The following DCHS1 variants were observed in gnomAD, a reference collection of about 807,000 sequenced individuals.
DCHS1 encodes the protein dachsous cadherin-related 1.
In DCHS1, 78 loss-of-function variants were observed where a neutral mutation model predicts 213.9. That is an observed-to-expected ratio of 0.36 (90% CI 0.30 to 0.44). The LOEUF is 0.44. Ranked by LOEUF, DCHS1 falls within the 20% of genes least tolerant of loss-of-function variation. The probability of loss-of-function intolerance (pLI) is 1.00; values close to 1 mark genes in which losing one functional copy is unlikely to be tolerated. For missense variants in DCHS1, 3,946 were observed against 4,395.9 expected (o/e 0.90, Z 2.89); for synonymous variants, 1,828 against 1,873.7 (o/e 0.98, Z 0.63).
At position 6,630,198 on chromosome 11, in the gene DCHS1, C is replaced by A; in HGVS notation, c.4596G>T (p.Ala1532=). 6.3e-7 allele frequency: 1 copy of A among 1,580,174 alleles called. No homozygotes were observed. The highest frequency in any genetic ancestry group is 2.3e-5 in the East Asian group (1 of 42,696). Residue 1532 remains alanine, a synonymous_variant, in exon 10 of 21, where the codon GCG becomes GCT. Coordinates refer to ENST00000299441, the MANE Select transcript of DCHS1 (RefSeq NM_003737.4). The stretch of plus-strand genomic sequence containing the variant: ...CATTCTCATCCGTGACGAAGACGCG[C>A]GCTGAAACGCGCGCTGCACGACGGC... ...ASRRRAARVS[A]RVFVTDENDN... is the part of the protein sequence containing the mutation.
At chr11:6,650,490 T>C (rs554954507) in intron 1 of DCHS1, among the ~76,000 whole-genome samples, 8 of 152,276 alleles carry the variant, frequency 5.3e-5, no homozygotes, top group Admixed American at 1.3e-4. Context: ...TCCTAGCAGA[T>C]ACCAGGGCAT....
chr11:6,625,591 C>A lies in DCHS1; in HGVS notation c.6862+6G>T. 1.2e-6 allele frequency: 2 copies of A among 1,613,680 alleles called. No homozygotes were observed. The highest frequency in any genetic ancestry group is 8.5e-7 in the Non-Finnish European group (1 of 1,179,856). The stretch of plus-strand genomic sequence containing the variant: ...CCTTTATGCCACCCACTTTACCCAG[C>A]CTCACCTTCTGACACTCGGAGCTCC... On this transcript the variant is annotated splice_donor_region_variant and intron_variant, in intron 18 of 20. Coordinates refer to ENST00000299441, the MANE Select transcript of DCHS1 (RefSeq NM_003737.4). The surrounding 1 kb of genome is among the most constrained non-coding windows in gnomAD (Gnocchi z 5.3).
At position 6,633,832 on chromosome 11, in the gene DCHS1, C is replaced by A. The variant is rs746635930; in HGVS notation, c.2175G>T (p.Leu725=). 4 of 1,613,924 alleles carry A rather than the reference C, an allele frequency of 2.5e-6. No homozygotes were observed. The South Asian group carries it at 3.3e-5, about 13-fold the overall frequency. ...GSHGRLSYHI[L]AGNSPPLFTL... ...TAAAAAGTGGGGGGCTGTTGCCAGC[C>A]AGGATATGGTAGGAGAGTCGCCCAT... Residue 725 remains leucine (L), a synonymous_variant, in exon 4 of 21, where the codon CTG becomes CTT. Transcript: ENST00000299441.
Position 6,631,158 on chromosome 11 carries a change from A to T in DCHS1, c.3825T>A (p.Thr1275=). Residue 1275 remains threonine, a synonymous_variant, in exon 9 of 21, where the codon ACT becomes ACA. Coordinates refer to ENST00000299441, the MANE Select transcript of DCHS1 (RefSeq NM_003737.4). ...SLHPHSGELL[T]AAPLIRAERP... is the part of the protein sequence containing the mutation. ...GCTCTGCTCGGATCAGGGGAGCTGCAGTGAGCAGCTCCCCTGAGTGAGGGT... is the reference window on the plus strand; with the variant it reads ...GCTCTGCTCGGATCAGGGGAGCTGCTGTGAGCAGCTCCCCTGAGTGAGGGT... 6.2e-7 allele frequency: 1 copy of T among 1,612,232 alleles called. No individual in the cohort carries two copies.
At chr11:6,635,227 T>C (rs928702137) in intron 2 of DCHS1, 8 of 152,234 alleles carry the variant, frequency 5.3e-5, no homozygotes, top group Admixed American at 4.6e-4. Context: ...TATAGATTTA[T>C]GGGTGTGTGG....
In DCHS1 at chr11:6,633,514, G is replaced by A; in HGVS notation, c.2353C>T (p.Pro785Ser). 6.3e-7 allele frequency: 1 copy of A among 1,584,596 alleles called. No homozygotes were observed. The highest frequency in any genetic ancestry group is 1.8e-5 in the Admixed American group (1 of 55,516). Residue 785 changes from proline to serine, a missense_variant, in exon 5 of 21, where the codon CCC (proline) becomes TCC (serine). This residue lies in a region of DCHS1 where 3,384 missense variants were observed against 3,780.1 expected (regional missense o/e 0.90). Coordinates refer to ENST00000299441, the MANE Select transcript of DCHS1 (RefSeq NM_003737.4). ...RVDISIVPGT[P>S]TPPIFEQLQY... ...AGTTGCTCAAATATGGGTGGTGTGG[G>A]GGTTCCAGGCACAATGCTGATGTCC...
At position 6,622,105 on chromosome 11, in the gene DCHS1, G is replaced by C. The variant is rs752605462; in HGVS notation, c.9571C>G (p.Arg3191Gly). The change falls in exon 21 of 21, where the codon CGG becomes GGG. Residue 3191 changes from arginine to glycine, a missense_variant. Arg to Gly is a moderately radical substitution (Grantham distance 125, BLOSUM62 -2). This residue lies in a region of DCHS1 where 554 missense variants were observed against 590.2 expected (regional missense o/e 0.94). Coordinates refer to ENST00000299441, the MANE Select transcript of DCHS1 (RefSeq NM_003737.4). This position sits in a 1 kb window ranked among gnomAD's most constrained non-coding sequence, Gnocchi z 5.4. ...TEIARLKDEA[R>G]PCPPAPRIDP... ...ATACGGGGAGCTGGGGGACATGGCC[G>C]AGCTTCATCCTTGAGCCGAGCGATC... The C allele has an allele frequency of 1.2e-6, 2 of 1,613,078 alleles. No individual in the cohort carries two copies. Among genetic ancestry groups the C allele is most frequent in the Non-Finnish European group, 1.7e-6 (2 of 1,179,840 alleles).
intron 1 of DCHS1, among the ~76,000 whole-genome samples, chr11:6,649,937 A>C (rs904759347): frequency 6.6e-6 from 1 of 152,188 alleles, no homozygotes; most frequent in Admixed American, 6.5e-5. Context: ...AGTAAAATTA[A>C]CTAAGTTAAT....
At chr11:6,645,294 G>A (rs1256782909) in intron 1 of DCHS1, among the ~76,000 whole-genome samples, 1 of 152,204 alleles carries the variant, frequency 6.6e-6, no homozygotes, top group Non-Finnish European at 1.5e-5. Context: ...ATCTGAAGAA[G>A]GGAGAGGATG....
chr11:6,624,072 G>A lies in DCHS1; in HGVS notation c.7604C>T (p.Pro2535Leu), dbSNP rs777961109. The A allele has an allele frequency of 6.2e-7, 1 of 1,612,956 alleles. No homozygotes were observed. The highest frequency in any genetic ancestry group is 8.5e-7 in the Non-Finnish European group (1 of 1,179,582). The change falls in exon 21 of 21, where the codon CCC becomes CTC. Residue 2535 changes from proline to leucine, a missense_variant. Pro to Leu is a moderately conservative substitution (Grantham distance 98). Transcript: ENST00000299441. ...GNWGRVFQLE[P>L]RLAEAGESAG... Reference sequence around the variant, plus strand: ...ACTCTCCCCAGCCTCAGCCAGCCTGGGTTCCAGCTGGAAGACTCGGCCCCA... The same window carrying A: ...ACTCTCCCCAGCCTCAGCCAGCCTGAGTTCCAGCTGGAAGACTCGGCCCCA...
In DCHS1 at chr11:6,634,109, C is replaced by T. The variant is rs1247948746; in HGVS notation, c.1986+9G>A. 2.5e-6 allele frequency: 4 copies of T among 1,598,840 alleles called. No individual in the cohort carries two copies. The highest frequency in any genetic ancestry group is 3.4e-5 in the Admixed American group (2 of 59,186). ...AACATCCCAACCTGCCCTTGGTCTA[C>T]TGACTTACCCCATCCACAGCTGTCA... On this transcript the variant is annotated intron_variant, in intron 3 of 20. Coordinates refer to ENST00000299441, the MANE Select transcript of DCHS1 (RefSeq NM_003737.4).
chr11:6,632,162 T>C lies in DCHS1; in HGVS notation c.3350A>G (p.Asn1117Ser). The stretch of plus-strand genomic sequence containing the variant: ...GCCCACGCTGGTCCCTGGGGGCTGG[T>C]TCTCAGCCACAGCCAGGAAGGTGGG... ...EDPTFLAVAE[N>S]QPPGTSVGRV... Residue 1117 changes from asparagine to serine, a missense_variant, in exon 6 of 21, where the codon AAC becomes AGC. Transcript: ENST00000299441. This position sits in a 1 kb window ranked among gnomAD's most constrained non-coding sequence, Gnocchi z 5.9. 2 of 1,595,716 alleles carry C rather than the reference T, an allele frequency of 1.3e-6. No individual in the cohort carries two copies. The highest frequency in any genetic ancestry group is 1.7e-6 in the Non-Finnish European group (2 of 1,167,668).
intron 19 of DCHS1, 96 bp from the exon 20 acceptor site, chr11:6,624,964 G>A: frequency 6.5e-7 from 1 of 1,542,388 alleles, no homozygotes; most frequent in Non-Finnish European, 8.8e-7. Context: ...GCCCTGCTTG[G>A]CGTCTATTCC....
Position 6,627,699 on chromosome 11 carries a change from C to T in DCHS1, c.5372-32G>A, listed in dbSNP as rs1855834620. The T allele has an allele frequency of 6.3e-7, 1 of 1,592,052 alleles. No homozygotes were observed. Among genetic ancestry groups the T allele is most frequent in the South Asian group, 1.1e-5 (1 of 89,470 alleles). On this transcript the variant is annotated intron_variant, in intron 13 of 20. Coordinates refer to ENST00000299441, the MANE Select transcript of DCHS1 (RefSeq NM_003737.4). The surrounding 1 kb of genome is among the most constrained non-coding windows in gnomAD (Gnocchi z 5.4). ...AGAAGGGCATGCACATATAAATATACATGTGTCGTGGGGATGGGGGTGATT... is the reference window on the plus strand; with the variant it reads ...AGAAGGGCATGCACATATAAATATATATGTGTCGTGGGGATGGGGGTGATT...
chr11:6,638,504 C>T (rs1204394416), intron 2 of DCHS1, among the ~76,000 whole-genome samples: 4 of 152,186 alleles, frequency 2.6e-5, no homozygotes, highest in East Asian at 1.9e-4. Context: ...CTCCTGAACA[C>T]GTCCTGGTAT....
At position 6,630,655 on chromosome 11, in the gene DCHS1, G is replaced by A. The variant is rs1234598289; in HGVS notation, c.4139C>T (p.Ala1380Val). ...VGGADPEGTF[A>V]LDAASGRLYL... ...CAAGCGCCCTGAGGCCGCATCCAGC[G>A]CGAAGGTGCCCTCGGGATCGGCACC... The change falls in exon 10 of 21, where the codon GCG becomes GTG. Residue 1380 changes from alanine (A) to valine (V), a missense_variant. Ala to Val is a moderately conservative substitution (Grantham distance 64). Coordinates refer to ENST00000299441, the MANE Select transcript of DCHS1 (RefSeq NM_003737.4). 1.3e-6 allele frequency: 2 copies of A among 1,537,160 alleles called. No individual in the cohort carries two copies. Among genetic ancestry groups the A allele is most frequent in the Non-Finnish European group, 1.7e-6 (2 of 1,144,924 alleles).
Position 6,630,566 on chromosome 11 carries a change from C to A in DCHS1, c.4228G>T (p.Glu1410Ter), listed in dbSNP as rs1376419193. 1 of 1,539,334 alleles carries A rather than the reference C, an allele frequency of 6.5e-7. No homozygotes were observed. Among genetic ancestry groups the A allele is most frequent in the Non-Finnish European group, 8.7e-7 (1 of 1,150,396 alleles). Residue 1410 changes from glutamate to a stop codon, truncating the protein, a stop_gained, in exon 10 of 21, where the codon GAG (glutamate) becomes TAG (stop). Coordinates refer to ENST00000299441, the MANE Select transcript of DCHS1 (RefSeq NM_003737.4). LOFTEE classifies it high-confidence loss of function. Reference sequence around the variant, plus strand: ...CGCGCGCCCGCGCCTCCCGGCCCCTCAGCGCGTACCGTAAGCGCGCGCCAC... The same window carrying A: ...CGCGCGCCCGCGCCTCCCGGCCCCTAAGCGCGTACCGTAAGCGCGCGCCAC... ...PPWRALTVRA[E>*]GPGGAGARLL... is the part of the protein sequence containing the mutation.
rs117140835 is a variant in DCHS1 at position 6,624,291 on chromosome 11, C to T, written c.7385G>A (p.Arg2462Gln). 25,502 of 1,597,018 alleles carry T rather than the reference C, an allele frequency of 0.016. 245 individuals carry two copies. Among genetic ancestry groups the T allele is most frequent in the Non-Finnish European group, 0.019 (22,019 of 1,172,850 alleles). ...LEARDHGAPG[R>Q]AARATVHVQL... ...CACGTGCACTGTGGCTCGTGCTGCC[C>T]GGCCTGGAGCCCCGTGGTCTCGTGC... The change falls in exon 21 of 21, where the codon CGG becomes CAG. Residue 2462 changes from arginine to glutamine, a missense_variant. Around this residue, in one of 3 missense-constraint regions of DCHS1, gnomAD observed 3,384 missense variants for 3,780.1 expected, o/e 0.90. Coordinates refer to ENST00000299441, the MANE Select transcript of DCHS1 (RefSeq NM_003737.4).
chr11:6,642,335 G>C (rs1345949449), intron 1 of DCHS1, among the ~76,000 whole-genome samples: 1 of 152,160 alleles, frequency 6.6e-6, no homozygotes, highest in Non-Finnish European at 1.5e-5. Context: ...TGGCTTCATA[G>C]AGCTTATAGT....
Sources: allele counts gnomAD v4.1 joint callset (sites outside exome capture counted in the v4.1 genomes callset), GRCh38; gene constraint gnomAD v4.1.1; regional missense constraint gnomAD v4.1.1; non-coding constraint Gnocchi (gnomAD v3.1); transcripts MANE v1.5; gene names NCBI Gene and HGNC (gene_info 2026-07-23, HGNC 2026-07-21).